ASAP2: variants seen among roughly 807,000 people sequenced by gnomAD.
ASAP2 encodes the protein arf-GAP with SH3 domain, ANK repeat and PH domain-containing protein 2.
Under a neutral mutation model 131.4 loss-of-function variants are expected in ASAP2, and 45 were observed. The ratio of observed to expected loss-of-function variants is 0.34; its 90% confidence interval spans 0.27 to 0.44. ASAP2 has a LOEUF of 0.44. Ranked by LOEUF, ASAP2 falls within the 20% of genes least tolerant of loss-of-function variation. ASAP2 has a pLI of 1.00. For synonymous variants in ASAP2, 510 were observed against 503.0 expected (o/e 1.01, Z -0.19); for missense variants, 1,011 against 1,297.0 (o/e 0.78, Z 3.39).
chr2:9,290,408 C>T (rs1667738016), intron 2 of ASAP2, among the ~76,000 whole-genome samples: 1 of 152,030 alleles, frequency 6.6e-6, no homozygotes, highest in Non-Finnish European at 1.5e-5. Context: ...TTGGGTTTCG[C>T]CCTGTTGGCC....
intron 1 of ASAP2, among the ~76,000 whole-genome samples, chr2:9,272,244 A>T (rs1454939700): frequency 6.6e-6 from 1 of 152,186 alleles, no homozygotes; most frequent in Non-Finnish European, 1.5e-5. Flanking sequence ...TTTTGCCTAT[A>T]AACCATTTTA....
intron 2 of ASAP2, among the ~76,000 whole-genome samples, chr2:9,284,362 T>G (rs1667332453): frequency 6.6e-6 from 1 of 152,196 alleles, no homozygotes; most frequent in African/African-American, 2.4e-5. Flanking sequence ...TCTAGTAGTT[T>G]TGTATCTGTT....
At chr2:9,234,065 C>T (rs970549249) in intron 1 of ASAP2, among the ~76,000 whole-genome samples, 16 of 145,918 alleles carry the variant, frequency 1.1e-4, no homozygotes, top group Admixed American at 9.1e-4. Flanking sequence ...GAGTCAAGAT[C>T]GCACCACTGC....
rs189422085 is a variant in ASAP2 at position 9,334,609 on chromosome 2, G to T, written c.687-129G>T. On this transcript the variant is annotated intron_variant, in intron 7 of 27. Coordinates refer to ENST00000281419, the MANE Select transcript of ASAP2 (RefSeq NM_003887.3). ...GGTTTGCCTGATATTTTAAGGTTCTGTTCATACAGTCTTTTCCCCCAGGAG... is the reference window on the plus strand; with the variant it reads ...GGTTTGCCTGATATTTTAAGGTTCTTTTCATACAGTCTTTTCCCCCAGGAG... The T allele has an allele frequency of 7.0e-5, 52 of 740,634 alleles. No homozygotes were observed. In the African/African-American group the frequency reaches 8.8e-4, roughly 13 times the overall value. 45.9% of individuals were successfully genotyped at this position (740,634 alleles called of 1,614,324 possible).
intron 25 of ASAP2, 123 bp downstream of exon 25, chr2:9,400,195 C>G: frequency 9.7e-7 from 1 of 1,030,816 alleles, no homozygotes; most frequent in East Asian, 2.6e-5. Context: ...CCACAGCCCT[C>G]CTGCCCCCTC....
In ASAP2 at chr2:9,391,111, T is replaced by C. The variant is rs1675683506; in HGVS notation, c.2433T>C (p.Ser811=). The change falls in exon 23 of 28, where the codon AGT becomes AGC. Residue 811 remains serine, a synonymous_variant. Coordinates refer to ENST00000281419, the MANE Select transcript of ASAP2 (RefSeq NM_003887.3). ...CCCTGTGGAAGACAAACTCTGTAAG[T>C]GTGGACGGTGGAAGCCGGCAGCGAT... ...ANTLWKTNSV[S]VDGGSRQRSS... is the part of the protein sequence containing the mutation. The C allele has an allele frequency of 2.5e-6, 4 of 1,614,108 alleles. No individual in the cohort carries two copies. The highest frequency in any genetic ancestry group is 3.4e-6 in the Non-Finnish European group (4 of 1,180,020).
intron 15 of ASAP2, among the ~76,000 whole-genome samples, chr2:9,367,027 A>ATTTTTTTTTTTTTTTTTTTTTTTTT (rs1171661319): frequency 7.5e-6 from 1 of 132,944 alleles, no homozygotes; most frequent in African/African-American, 3.1e-5. Flanking sequence ...TGCCTGCATA[A>ATTTTTTTTTTTTTTTTTTTTTTTTT]TTTTTTTTTT....
intron 18 of ASAP2, 149 bp from the exon 19 acceptor site, chr2:9,378,795 C>G: frequency 2.1e-6 from 1 of 469,030 alleles, no homozygotes; most frequent in Non-Finnish European, 3.6e-6. Context: ...GGTGCCAGGT[C>G]CCACCACCTT....
chr2:9,297,399 A>G lies in ASAP2; in HGVS notation c.299A>G (p.Lys100Arg). ...CCAGATTTAGGAAGTGCGTTCCTGA[A>G]GTTCTCAGTGTTTACAAAGGAGTTG... ...DDPDLGSAFL[K>R]FSVFTKELTA... The change falls in exon 3 of 28, where the codon AAG becomes AGG. Residue 100 changes from lysine (K) to arginine (R), a missense_variant. Coordinates refer to ENST00000281419, the MANE Select transcript of ASAP2 (RefSeq NM_003887.3). The G allele has an allele frequency of 6.2e-7, 1 of 1,614,180 alleles. No individual in the cohort carries two copies. Among genetic ancestry groups the G allele is most frequent in the Non-Finnish European group, 8.5e-7 (1 of 1,180,026 alleles).
At chr2:9,395,532 C>T (rs1213605052) in intron 24 of ASAP2, among the ~76,000 whole-genome samples, 2 of 151,400 alleles carry the variant, frequency 1.3e-5, no homozygotes, top group Non-Finnish European at 2.9e-5. Flanking sequence ...ATCTGTAATC[C>T]CTGCACTACT....
At chr2:9,369,110 C>T (rs994859700) in intron 16 of ASAP2, among the ~76,000 whole-genome samples, 2 of 152,016 alleles carry the variant, frequency 1.3e-5, no homozygotes, top group African/African-American at 4.8e-5. Context: ...CCTCTGCCTC[C>T]CAGGTTCAAG....
intron 1 of ASAP2, among the ~76,000 whole-genome samples, chr2:9,278,808 G>C (rs1666927005): frequency 6.6e-6 from 1 of 152,166 alleles, no homozygotes; most frequent in African/African-American, 2.4e-5. Context: ...GAAGCAATAG[G>C]ACCCGTCTTC....
chr2:9,341,538 T>C lies in ASAP2; in HGVS notation c.850-2994T>C, dbSNP rs1041981798. 3.0e-4 allele frequency among the ~76,000 whole-genome samples: 45 copies of C among 152,240 alleles called. 1 individual carries two copies. The highest frequency in any genetic ancestry group is 4.4e-5 in the Non-Finnish European group (3 of 68,036). ...GACCTGAAAATCGCTCTGATTAATA[T>C]GCGCGGCACGAACAGTGTTAGCGGT... On this transcript the variant is annotated intron_variant, in intron 9 of 27. Transcript: ENST00000281419.
At chr2:9,238,389 AAAC>A (rs931300490) in intron 1 of ASAP2, among the ~76,000 whole-genome samples, 1 of 152,226 alleles carries the variant, frequency 6.6e-6, no homozygotes, top group Non-Finnish European at 1.5e-5. Flanking sequence ...AGGCTTTTGT[AAAC>A]AAATTGTCCA....
intron 1 of ASAP2, among the ~76,000 whole-genome samples, chr2:9,255,564 C>T: frequency 6.6e-6 from 1 of 152,192 alleles, no homozygotes; most frequent in East Asian, 1.9e-4. Context: ...CTCTCTGGTT[C>T]TGTGTGTCCT....
chr2:9,358,451 C>T (rs1238599044), intron 14 of ASAP2, among the ~76,000 whole-genome samples: 1 of 152,166 alleles, frequency 6.6e-6, no homozygotes, highest in African/African-American at 2.4e-5. Flanking sequence ...GTTTTCACCA[C>T]CAGCCATTGA....
At chr2:9,399,366 C>A (rs1676434662) in intron 24 of ASAP2, 1 of 152,632 alleles carries the variant, frequency 6.6e-6, no homozygotes, top group Admixed American at 6.5e-5. Context: ...GTTGACGGAT[C>A]TTGTGTCACA....
intron 11 of ASAP2, among the ~76,000 whole-genome samples, chr2:9,347,153 C>G (rs1284774807): frequency 6.6e-6 from 1 of 152,208 alleles, no homozygotes; most frequent in East Asian, 1.9e-4. Context: ...TTCCTCGCTG[C>G]CATGCAGAAA....
chr2:9,238,964 C>A (rs548471287), intron 1 of ASAP2, among the ~76,000 whole-genome samples: 1 of 152,274 alleles, frequency 6.6e-6, no homozygotes, highest in Admixed American at 6.5e-5. Flanking sequence ...GTACTGTGTT[C>A]CCTGGGCCTC....
Sources: allele counts gnomAD v4.1 joint callset (sites outside exome capture counted in the v4.1 genomes callset), GRCh38; gene constraint gnomAD v4.1.1; transcripts MANE v1.5; gene names NCBI Gene and HGNC (gene_info 2026-07-23, HGNC 2026-07-21).